Variants in NRIP1 observed in about 807,000 individuals in gnomAD.
The protein encoded by NRIP1 is nuclear receptor-interacting protein 1.
In NRIP1, 28 loss-of-function variants were observed where a neutral mutation model predicts 75.0. That is an observed-to-expected ratio of 0.37 (90% confidence interval 0.28 to 0.51). NRIP1 has a LOEUF of 0.51. Among genes scored for constraint, NRIP1 ranks in the 20% least tolerant of loss-of-function variants. NRIP1 has a pLI of 0.92. For synonymous variants in NRIP1, 526 were observed against 487.6 expected, an observed-to-expected ratio of 1.08 and a Z score of -1.04; for missense variants, 1,435 against 1,343.7, an observed-to-expected ratio of 1.07 and a Z score of -1.06.
intron 3 of NRIP1, among the ~76,000 whole-genome samples, chr21:15,013,389 T>A (rs1191640053): frequency 6.6e-6 from 1 of 152,212 alleles, no homozygotes; most frequent in African/African-American, 2.4e-5. Flanking sequence ...GGCCTACAGG[T>A]AAAGAGCAAA....
Position 14,965,869 on chromosome 21 carries a change from T to TCATG in NRIP1, c.2320_2323dup (p.Asp775AlafsTer2). On this transcript the variant is annotated stop_gained and frameshift_variant, in exon 4 of 4. Coordinates refer to ENST00000318948, the MANE Select transcript of NRIP1 (RefSeq NM_003489.4). LOFTEE classifies it high-confidence loss of function. ...ACCCAAGAATGGGGCACTCTTAGCA[T>TCATG]CATGGCTCAAGTGCACATTTGTGTT... The TCATG allele has an allele frequency of 6.2e-7, 1 of 1,614,124 alleles. No individual in the cohort carries two copies. The highest frequency in any genetic ancestry group is 8.5e-7 in the Non-Finnish European group (1 of 1,179,996).
intron 1 of NRIP1, among the ~76,000 whole-genome samples, chr21:15,063,644 A>G (rs372759874): frequency 4.5e-4 from 68 of 152,316 alleles, no homozygotes; most frequent in African/African-American, 1.6e-3. Flanking sequence ...TCTTCCTCTA[A>G]GGACACAATT....
chr21:15,046,709 T>C (rs1454868275), intron 1 of NRIP1, among the ~76,000 whole-genome samples: 3 of 152,342 alleles, frequency 2.0e-5, no homozygotes, highest in Middle Eastern at 3.4e-3. Flanking sequence ...GGCTGTTTCA[T>C]TTACACTGAA....
Position 14,966,209 on chromosome 21 carries a change from G to A in NRIP1, c.1984C>T (p.Pro662Ser). Residue 662 changes from proline (P) to serine (S), a missense_variant, in exon 4 of 4, where the codon CCG becomes TCG. Transcript: ENST00000318948. ...KQLLTGNTDK[P>S]IGMIDRLNSP... is the part of the protein sequence containing the mutation. ...TTTAATCTATCAATCATACCTATCG[G>A]TTTATCTGTGTTTCCAGTTAACAGC... 6.2e-7 allele frequency: 1 copy of A among 1,613,830 alleles called. No homozygotes were observed. The highest frequency in any genetic ancestry group is 8.5e-7 in the Non-Finnish European group (1 of 1,179,926).
chr21:14,996,739 TAATA>T (rs1460161176), intron 3 of NRIP1, among the ~76,000 whole-genome samples: 7 of 152,262 alleles, frequency 4.6e-5, no homozygotes, highest in Admixed American at 4.6e-4. Flanking sequence ...TTGCTAAATA[TAATA>T]AATGCACGTC....
intron 1 of NRIP1, among the ~76,000 whole-genome samples, chr21:15,061,933 T>A (rs537487992): frequency 6.6e-6 from 1 of 152,350 alleles, no homozygotes; most frequent in East Asian, 1.9e-4. Context: ...ATTTGTTCCA[T>A]TAGATTGGCA....
intron 2 of NRIP1, among the ~76,000 whole-genome samples, chr21:15,026,848 A>C (rs569534527): frequency 1.3e-5 from 2 of 152,308 alleles, no homozygotes; most frequent in Admixed American, 6.5e-5. Context: ...AAGTTGAAAA[A>C]ACAAGTCTCA....
At chr21:15,050,007 A>G (rs763970464) in intron 1 of NRIP1, among the ~76,000 whole-genome samples, 8 of 152,278 alleles carry the variant, frequency 5.3e-5, no homozygotes, top group Non-Finnish European at 1.0e-4. Flanking sequence ...TTATAAGTTA[A>G]GCCAATTCAC....
At chr21:15,052,278 T>C (rs1009231008) in intron 1 of NRIP1, 1 of 152,166 alleles carries the variant, frequency 6.6e-6, no homozygotes, top group East Asian at 1.9e-4. Context: ...TGATTAATAG[T>C]TAAACCACCC....
Position 14,966,800 on chromosome 21 carries a change from G to A in NRIP1, c.1393C>T (p.Gln465Ter). The change falls in exon 4 of 4, where the codon CAA becomes TAA. Residue 465 changes from glutamine to a stop codon, truncating the protein, a stop_gained. Transcript: ENST00000318948. LOFTEE classifies it high-confidence loss of function. ...GGATCCCAAGTGTTTAGCAAGGATT[G>A]AGTGAAGTTATCCAGGGAAACAGGT... Reference protein sequence around the residue: ...DQPVSLDNFTQSLLNTWDPKV... With the variant: ...DQPVSLDNFT 6.2e-7 allele frequency: 1 copy of A among 1,614,096 alleles called. No homozygotes were observed. Among genetic ancestry groups the A allele is most frequent in the Non-Finnish European group, 8.5e-7 (1 of 1,179,998 alleles).
At chr21:15,032,745 C>T (rs1248589632) in intron 2 of NRIP1, among the ~76,000 whole-genome samples, 1 of 152,134 alleles carries the variant, frequency 6.6e-6, no homozygotes, top group African/African-American at 2.4e-5. Flanking sequence ...CCCCTGGTCA[C>T]ACTACATTCA....
intron 1 of NRIP1, among the ~76,000 whole-genome samples, chr21:15,045,065 C>T (rs115526332): frequency 0.015 from 2,216 of 152,298 alleles, 45 homozygotes; most frequent in African/African-American, 0.049. Context: ...CACATTCTCT[C>T]TCTCATCCAC....
Position 14,967,973 on chromosome 21 carries a change from G to A in NRIP1, c.220C>T (p.Gln74Ter). The A allele has an allele frequency of 6.2e-7, 1 of 1,613,970 alleles. No individual in the cohort carries two copies. The highest frequency in any genetic ancestry group is 8.5e-7 in the Non-Finnish European group (1 of 1,179,966). The part of the protein sequence containing the change: ...NGPVLNTHTY[Q>*]GSGMLHLKKA... ...TTGAGGTGCAGCATGCCAGACCCCTGATATGTATGTGTATTGAGAACTGGA... is the reference window on the plus strand; with the variant it reads ...TTGAGGTGCAGCATGCCAGACCCCTAATATGTATGTGTATTGAGAACTGGA... The change falls in exon 4 of 4, where the codon CAG becomes TAG. Residue 74 changes from glutamine to a stop codon, truncating the protein, a stop_gained. Transcript: ENST00000318948. LOFTEE classifies it high-confidence loss of function.
In NRIP1 at chr21:14,961,282, C is replaced by G. The variant is rs1457902774; in HGVS notation, c.*3434G>C. On this transcript the variant is annotated 3_prime_UTR_variant, in exon 4 of 4. Coordinates refer to ENST00000318948, the MANE Select transcript of NRIP1 (RefSeq NM_003489.4). The stretch of plus-strand genomic sequence containing the variant: ...ATTCAAATTCACTGCAGGAAGTAAA[C>G]ACTAAAAGATTAAAAAACAAAACAA... 1 of 152,288 alleles carries G rather than the reference C, an allele frequency of 6.6e-6. No individual in the cohort carries two copies. Among genetic ancestry groups the G allele is most frequent in the Non-Finnish European group, 1.5e-5 (1 of 67,892 alleles). 9.4% of individuals were successfully genotyped at this position (152,288 alleles called of 1,614,324 possible). A position where few individuals can be genotyped will look rare whatever the true frequency, so the allele number is the denominator to read the frequency against.
chr21:15,001,971 G>A (rs1295408544), intron 3 of NRIP1, among the ~76,000 whole-genome samples: 5 of 151,982 alleles, frequency 3.3e-5, no homozygotes, highest in Admixed American at 1.3e-4. Flanking sequence ...TTATGTTCCC[G>A]GTGACGCTTT....
At chr21:15,045,819 A>G (rs572661006) in intron 1 of NRIP1, among the ~76,000 whole-genome samples, 1 of 152,214 alleles carries the variant, frequency 6.6e-6, no homozygotes, top group Non-Finnish European at 1.5e-5. Context: ...TATTTCAACA[A>G]TGTTCACAGT....
At chr21:14,968,629 T>C (rs934042612) in intron 3 of NRIP1, 103 bp from the exon 4 acceptor site, 1 of 155,298 alleles carries the variant, frequency 6.4e-6, no homozygotes, top group Non-Finnish European at 1.4e-5. Flanking sequence ...ATATATATAT[T>C]ACATATAAAT....
At chr21:15,000,390 T>G (rs576010965) in intron 3 of NRIP1, among the ~76,000 whole-genome samples, 1 of 152,302 alleles carries the variant, frequency 6.6e-6, no homozygotes, top group South Asian at 2.1e-4. Flanking sequence ...CCAGGTACAG[T>G]GTTAAGCACT....
chr21:15,005,765 A>G (rs560197732), intron 3 of NRIP1, among the ~76,000 whole-genome samples: 1 of 152,184 alleles, frequency 6.6e-6, no homozygotes, highest in African/African-American at 2.4e-5. Context: ...TTCTGGAGAG[A>G]GGGTTTACCT....
Sources: gnomAD v4.1 joint callset for allele counts (sites outside exome capture counted in the v4.1 genomes callset) on GRCh38, gnomAD v4.1.1 for gene constraint, MANE v1.5 for transcripts, NCBI Gene and HGNC (gene_info 2026-07-23, HGNC 2026-07-21) for gene names.